GCSAM: variants seen among roughly 807,000 people sequenced by gnomAD.
GCSAM encodes the protein germinal center-associated signaling and motility protein.
GCSAM carries 8 observed loss-of-function variants against 17.6 expected under a neutral mutation model. The ratio of observed to expected loss-of-function variants is 0.46; its 90% CI spans 0.27 to 0.82. The LOEUF is 0.82. GCSAM is among the 40% of genes least tolerant of loss of function. The pLI is 0.15. For synonymous variants in GCSAM, 68 were observed against 69.0 expected, an observed-to-expected ratio of 0.98 and a Z score of 0.07; for missense variants, 192 against 213.5, an observed-to-expected ratio of 0.90 and a Z score of 0.63.
At chr3:112,130,545 T>A in intron 1 of GCSAM, 32 bp from the exon 2 acceptor site, 1 of 1,594,914 alleles carries the variant, frequency 6.3e-7, no homozygotes. Context: ...ACAGGCTAAG[T>A]ATTTCCTAAA....
chr3:112,127,956 G>T, intron 3 of GCSAM, 61 bp downstream of exon 3: 1 of 1,446,404 alleles, frequency 6.9e-7, no homozygotes, highest in Non-Finnish European at 9.7e-7. Flanking sequence ...GTAACTTACA[G>T]CAAATACCAC....
Position 112,123,583 on chromosome 3 carries a change from C to T in GCSAM, c.409G>A (p.Asp137Asn), listed in dbSNP as rs769699690. ...TCTGGGGATCGGGCATGCCTGGGGT[C>T]TGTAGAAGGCATATGTAGAAGTGAA... ...EYSLLHMPST[D>N]PRHARSPEDE... The change falls in exon 6 of 6, where the codon GAC becomes AAC. Residue 137 changes from aspartate (D) to asparagine (N), a missense_variant. Physicochemically the swap from Asp to Asn is conservative, Grantham distance 23. Coordinates refer to ENST00000308910, the MANE Select transcript of GCSAM (RefSeq NM_152785.5). 1 of 1,614,084 alleles carries T rather than the reference C, an allele frequency of 6.2e-7. No individual in the cohort carries two copies. Among genetic ancestry groups the T allele is most frequent in the South Asian group, 1.1e-5 (1 of 91,078 alleles).
Position 112,121,121 on chromosome 3 carries a change from T to A in GCSAM, c.*2334A>T, listed in dbSNP as rs2074188905. 1 of 152,212 alleles carries A rather than the reference T, an allele frequency of 6.6e-6. No individual in the cohort carries two copies. The highest frequency in any genetic ancestry group is 1.5e-5 in the Non-Finnish European group (1 of 68,046). 9.4% of individuals were successfully genotyped at this position (152,212 alleles called of 1,614,324 possible). Reference sequence around the variant, plus strand: ...AACTTTCTTTGGTTAAACATTTATATTTAATGTGTCCCTGATAAAAGGCAT... The same window carrying A: ...AACTTTCTTTGGTTAAACATTTATAATTAATGTGTCCCTGATAAAAGGCAT... On this transcript the variant is annotated 3_prime_UTR_variant, in exon 6 of 6. Transcript: ENST00000308910.
intron 5 of GCSAM, among the ~76,000 whole-genome samples, chr3:112,124,990 T>C (rs1576161551): frequency 6.6e-6 from 1 of 152,348 alleles, no homozygotes; most frequent in East Asian, 1.9e-4. Context: ...ATGTTGTCTG[T>C]CATAAATGAA....
intron 2 of GCSAM, 78 bp from the exon 3 acceptor site, chr3:112,128,139 A>G: frequency 1.5e-6 from 2 of 1,369,558 alleles, no homozygotes; most frequent in Admixed American, 1.7e-5. Flanking sequence ...TCCTTTTGCC[A>G]TTTCTGTGGA....
chr3:112,127,872 C>A (rs2074364947), intron 3 of GCSAM, 145 bp downstream of exon 3: 1 of 659,660 alleles, frequency 1.5e-6, no homozygotes, highest in Admixed American at 2.5e-5. Flanking sequence ...GGAAGGATTG[C>A]TTCCCTGATT....
At chr3:112,132,883 C>T (rs537975820) in intron 1 of GCSAM, 25 of 534,410 alleles carry the variant, frequency 4.7e-5, no homozygotes, top group African/African-American at 4.5e-4. Context: ...ATCAGCTGCT[C>T]ACCATGATTC....
At chr3:112,131,386 G>T (rs1042037274) in intron 1 of GCSAM, among the ~76,000 whole-genome samples, 1 of 152,238 alleles carries the variant, frequency 6.6e-6, no homozygotes, top group East Asian at 1.9e-4. Flanking sequence ...ACGGTTGGGG[G>T]GGTATGCTGA....
chr3:112,130,656 T>C (rs899601087), intron 1 of GCSAM, 143 bp from the exon 2 acceptor site: 1 of 728,546 alleles, frequency 1.4e-6, no homozygotes, highest in Non-Finnish European at 2.4e-6. Flanking sequence ...ATGTTAATAC[T>C]GTTTCCTCAA....
intron 1 of GCSAM, among the ~76,000 whole-genome samples, chr3:112,131,942 A>C (rs1037552734): frequency 1.3e-5 from 2 of 152,190 alleles, no homozygotes; most frequent in Admixed American, 6.5e-5. Context: ...TCTTACATAA[A>C]ACAAAATTTT....
Position 112,126,747 on chromosome 3 carries a change from T to C in GCSAM, c.190+240A>G, listed in dbSNP as rs186950339. Among the ~76,000 whole-genome samples, 148 of 152,324 alleles carry C rather than the reference T, an allele frequency of 9.7e-4. No individual in the cohort carries two copies. Among genetic ancestry groups the C allele is most frequent in the Non-Finnish European group, 1.8e-3 (121 of 68,024 alleles). The stretch of plus-strand genomic sequence containing the variant: ...CTTTTGTATCCTTGCCCCCAGTTAC[T>C]GCCTTCAGCCTCCAGGCCTCAGGCA... On this transcript the variant is annotated intron_variant, in intron 4 of 5. Coordinates refer to ENST00000308910, the MANE Select transcript of GCSAM (RefSeq NM_152785.5).
Position 112,133,225 on chromosome 3 carries a change from T to A in GCSAM, c.-105A>T. On this transcript the variant is annotated 5_prime_UTR_variant, in exon 1 of 6. Transcript: ENST00000308910. ...ACTTAAAGAAAGGGCTGTGTGGCTCTGGCCACCCGTGCAGAGACAGCAGAA... is the reference window on the plus strand; with the variant it reads ...ACTTAAAGAAAGGGCTGTGTGGCTCAGGCCACCCGTGCAGAGACAGCAGAA... The A allele has an allele frequency of 8.3e-7, 1 of 1,198,580 alleles. No homozygotes were observed. Among genetic ancestry groups the A allele is most frequent in the Non-Finnish European group, 1.2e-6 (1 of 807,334 alleles). The allele number at this position is 1,198,580 out of a possible 1,614,324, so 74.2% of individuals were successfully genotyped here.
intron 1 of GCSAM, among the ~76,000 whole-genome samples, chr3:112,132,160 G>A (rs958035904): frequency 6.6e-6 from 1 of 152,004 alleles, no homozygotes; most frequent in African/African-American, 2.4e-5. Context: ...GACAACCCAG[G>A]GTAGAGAAGT....
At position 112,133,074 on chromosome 3, in the gene GCSAM, C is replaced by G. The variant is rs762088663; in HGVS notation, c.29+18G>C. 8.7e-6 allele frequency: 14 copies of G among 1,612,896 alleles called. No individual in the cohort carries two copies. In the East Asian group the frequency reaches 3.1e-4, roughly 36 times the overall value. On this transcript the variant is annotated intron_variant, in intron 1 of 5. Transcript: ENST00000308910. ...CTGTCCCATCTCCTCTGCTCTCCCA[C>G]AGGGAGTCTAGACTTACCTGTTTTC...
At chr3:112,130,763 A>C in intron 1 of GCSAM, 2 of 512,402 alleles carry the variant, frequency 3.9e-6, no homozygotes, top group Non-Finnish European at 3.6e-6. Context: ...GTGATCCTAA[A>C]TCATCTGATC....
At chr3:112,125,827 TG>T (rs2074305564) in intron 4 of GCSAM, among the ~76,000 whole-genome samples, 1 of 152,198 alleles carries the variant, frequency 6.6e-6, no homozygotes, top group Non-Finnish European at 1.5e-5. Context: ...TTCCTATACC[TG>T]CTGGCAGATA....
chr3:112,121,160 C>A lies in GCSAM; in HGVS notation c.*2295G>T, dbSNP rs2074190419. 6.6e-6 allele frequency: 1 copy of A among 152,130 alleles called. No individual in the cohort carries two copies. Among genetic ancestry groups the A allele is most frequent in the African/African-American group, 2.4e-5 (1 of 41,398 alleles). The allele number at this position is 152,130 out of a possible 1,614,324, so 9.4% of individuals were successfully genotyped here. ...GATAAAAGGCATATACTGTTTGGGACAGATAATGCTTTCACAGGATAAGGT... is the reference window on the plus strand; with the variant it reads ...GATAAAAGGCATATACTGTTTGGGAAAGATAATGCTTTCACAGGATAAGGT... On this transcript the variant is annotated 3_prime_UTR_variant, in exon 6 of 6. Coordinates refer to ENST00000308910, the MANE Select transcript of GCSAM (RefSeq NM_152785.5).
rs148406847 is a variant in GCSAM, at chr3:112,132,957, G to T, written c.29+135C>A. On this transcript the variant is annotated intron_variant, in intron 1 of 5. Coordinates refer to ENST00000308910, the MANE Select transcript of GCSAM (RefSeq NM_152785.5). ...ATCTGGCACAGAGTAGGCACTGAAG[G>T]CTTGGCAGTTTCCTTACCCAACTAC... The T allele has an allele frequency of 3.3e-5, 28 of 856,642 alleles. No homozygotes were observed. The African/African-American group carries it at 4.1e-4, about 12-fold the overall frequency. The allele number at this position is 856,642 out of a possible 1,614,324, so 53.1% of individuals were successfully genotyped here. A position where few individuals can be genotyped will look rare whatever the true frequency, so the allele number is the denominator to read the frequency against.
At chr3:112,128,144 T>C (rs2074371276) in intron 2 of GCSAM, 83 bp from the exon 3 acceptor site, 1 of 1,311,122 alleles carries the variant, frequency 7.6e-7, no homozygotes. Flanking sequence ...TTGCCATTTC[T>C]GTGGAAAACT....
Sources: gnomAD v4.1 joint callset for allele counts (sites outside exome capture counted in the v4.1 genomes callset) on GRCh38, gnomAD v4.1.1 for gene constraint, MANE v1.5 for transcripts, NCBI Gene and HGNC (gene_info 2026-07-23, HGNC 2026-07-21) for gene names.